PHF20L1: variants seen among roughly 807,000 people sequenced by gnomAD.
The protein encoded by PHF20L1 is PHD finger protein 20-like protein 1.
In PHF20L1, 44 loss-of-function variants were observed where a neutral mutation model predicts 125.5. That is an observed-to-expected ratio of 0.35 (90% CI 0.28 to 0.45). PHF20L1 has a LOEUF of 0.45. PHF20L1 is among the 20% of genes least tolerant of loss of function. The pLI is 1.00. For synonymous variants in PHF20L1, 380 were observed against 403.1 expected, an observed-to-expected ratio of 0.94 and a Z score of 0.69; for missense variants, 1,012 against 1,217.2, an observed-to-expected ratio of 0.83 and a Z score of 2.51.
chr8:132,830,336 G>C (rs960178049), intron 14 of PHF20L1, among the ~76,000 whole-genome samples: 17 of 152,162 alleles, frequency 1.1e-4, no homozygotes, highest in Non-Finnish European at 1.5e-4. Flanking sequence ...TACTCTCCCT[G>C]TTGTGAGGTC....
intron 2 of PHF20L1, among the ~76,000 whole-genome samples, chr8:132,794,164 T>G (rs1330766051): frequency 6.6e-6 from 1 of 152,210 alleles, no homozygotes; most frequent in Non-Finnish European, 1.5e-5. Context: ...ACCACATTAC[T>G]TCACAAAACA....
At chr8:132,823,552 G>A (rs1319413154) in intron 12 of PHF20L1, among the ~76,000 whole-genome samples, 2 of 151,906 alleles carry the variant, frequency 1.3e-5, no homozygotes, top group African/African-American at 4.8e-5. Context: ...TCTGGAAATA[G>A]TGTAGTGTCA....
At chr8:132,784,070 T>C (rs1830732506) in intron 2 of PHF20L1, among the ~76,000 whole-genome samples, 1 of 152,198 alleles carries the variant, frequency 6.6e-6, no homozygotes, top group African/African-American at 2.4e-5. Context: ...GAAAGCCCCG[T>C]AAATTCCTTT....
chr8:132,830,153 C>A (rs1029410178), intron 14 of PHF20L1, among the ~76,000 whole-genome samples: 3 of 152,062 alleles, frequency 2.0e-5, no homozygotes, highest in African/African-American at 4.8e-5. Flanking sequence ...CTTGCCTCTT[C>A]TAGTTTCCAG....
intron 14 of PHF20L1, among the ~76,000 whole-genome samples, chr8:132,827,647 A>G (rs943295479): frequency 6.6e-6 from 1 of 152,036 alleles, no homozygotes; most frequent in Non-Finnish European, 1.5e-5. Flanking sequence ...AACTTGAGAG[A>G]AGGAGGAGCA....
rs757800314 is a variant in PHF20L1, at chr8:132,814,617, A to G, written c.931-20A>G. The stretch of plus-strand genomic sequence containing the variant: ...TGAAGAAGCCAAAATAAAAATATCA[A>G]TTTTTTATTATTTATTCAGGCGATT... On this transcript the variant is annotated intron_variant, in intron 9 of 20. Coordinates refer to ENST00000395386, the MANE Select transcript of PHF20L1 (RefSeq NM_016018.5). 1.3e-6 allele frequency: 2 copies of G among 1,508,586 alleles called. No individual in the cohort carries two copies. The highest frequency in any genetic ancestry group is 1.8e-6 in the Non-Finnish European group (2 of 1,120,552). The allele number at this position is 1,508,586 out of a possible 1,614,324, so 93.5% of individuals were successfully genotyped here.
intron 10 of PHF20L1, chr8:132,815,146 T>C (rs1267184075): frequency 3.5e-6 from 1 of 283,296 alleles, no homozygotes; most frequent in African/African-American, 2.2e-5. Flanking sequence ...CCTCAACTCA[T>C]AATCCAAGCA....
At chr8:132,841,803 A>G (rs1481154138) in intron 18 of PHF20L1, 1 of 152,132 alleles carries the variant, frequency 6.6e-6, no homozygotes, top group Non-Finnish European at 1.5e-5. Context: ...AATTTATCTG[A>G]CTGAAATATT....
At chr8:132,844,622 G>A (rs1838256040) in intron 20 of PHF20L1, among the ~76,000 whole-genome samples, 1 of 152,066 alleles carries the variant, frequency 6.6e-6, no homozygotes, top group African/African-American at 2.4e-5. Flanking sequence ...ATTGAACTAA[G>A]CTTTCTTTGG....
At chr8:132,841,179 A>G (rs1463434524) in intron 18 of PHF20L1, among the ~76,000 whole-genome samples, 1 of 152,070 alleles carries the variant, frequency 6.6e-6, no homozygotes, top group Non-Finnish European at 1.5e-5. Flanking sequence ...TTAAATCATA[A>G]TATCTGTTAG....
intron 4 of PHF20L1, among the ~76,000 whole-genome samples, chr8:132,798,048 T>C (rs1331282863): frequency 1.3e-5 from 2 of 152,048 alleles, no homozygotes; most frequent in Non-Finnish European, 2.9e-5. Flanking sequence ...AAAAAGTGAA[T>C]ATGCTTCATA....
rs368502527 is a variant in PHF20L1, at chr8:132,847,425, G to C, written c.*1502G>C. 4.6e-5 allele frequency: 7 copies of C among 152,658 alleles called. 1 individual carries two copies. In the South Asian group the frequency reaches 1.5e-3, roughly 32 times the overall value. 9.5% of individuals were successfully genotyped at this position (152,658 alleles called of 1,614,324 possible). A position where few individuals can be genotyped will look rare whatever the true frequency, so the allele number is the denominator to read the frequency against. ...TTCTGTTTATCAGTTCTCGCAATCT[G>C]TATAAATGCATTTTAGAACTGATAG... On this transcript the variant is annotated 3_prime_UTR_variant, in exon 21 of 21. Coordinates refer to ENST00000395386, the MANE Select transcript of PHF20L1 (RefSeq NM_016018.5).
At position 132,846,086 on chromosome 8, in the gene PHF20L1, A is replaced by G. The variant is rs1838402871; in HGVS notation, c.*163A>G. 1.8e-6 allele frequency: 1 copy of G among 540,688 alleles called. No homozygotes were observed. Among genetic ancestry groups the G allele is most frequent in the South Asian group, 3.3e-5 (1 of 30,068 alleles). 33.5% of individuals were successfully genotyped at this position (540,688 alleles called of 1,614,324 possible). On this transcript the variant is annotated 3_prime_UTR_variant, in exon 21 of 21. Coordinates refer to ENST00000395386, the MANE Select transcript of PHF20L1 (RefSeq NM_016018.5). ...ACCTTGGAAAGAAAAATGAAGAACA[A>G]CTTTATCAAGGAAGCTAGTATTTAA...
At chr8:132,790,979 A>C (rs1470998981) in intron 2 of PHF20L1, among the ~76,000 whole-genome samples, 2 of 152,212 alleles carry the variant, frequency 1.3e-5, no homozygotes, top group Admixed American at 6.5e-5. Flanking sequence ...CTTTTGGCAT[A>C]GATTACAGAC....
In PHF20L1 at chr8:132,848,017, G is replaced by A. The variant is rs1342900519; in HGVS notation, c.*2094G>A. On this transcript the variant is annotated 3_prime_UTR_variant, in exon 21 of 21. Transcript: ENST00000395386. ...CTTTTTTTCAGATACGGAGCAAATA[G>A]CATCCTTAACCTATGAATAATGGTG... 6.6e-6 allele frequency: 1 copy of A among 151,862 alleles called. No individual in the cohort carries two copies. The highest frequency in any genetic ancestry group is 6.6e-5 in the Admixed American group (1 of 15,236). 9.4% of individuals were successfully genotyped at this position (151,862 alleles called of 1,614,324 possible).
At chr8:132,826,720 G>A (rs1836224556) in intron 14 of PHF20L1, 1 of 152,032 alleles carries the variant, frequency 6.6e-6, no homozygotes, top group Admixed American at 6.6e-5. Context: ...CTAAGGTGGG[G>A]AAGGGCCATT....
At position 132,842,614 on chromosome 8, in the gene PHF20L1, C is replaced by T; in HGVS notation, c.2487C>T (p.Asp829=). 6.2e-7 allele frequency: 1 copy of T among 1,612,898 alleles called. No homozygotes were observed. The highest frequency in any genetic ancestry group is 1.1e-5 in the South Asian group (1 of 91,024). ...IAGVEKKIAQ[D]TVNREEKKYV... is the part of the protein sequence containing the mutation. ...GGGTGGAGAAAAAAATAGCTCAAGA[C>T]ACAGTTAATCGAGAAGAAAAGAAAT... Residue 829 remains aspartate, a synonymous_variant, in exon 19 of 21, where the codon GAC becomes GAT. Transcript: ENST00000395386.
At chr8:132,842,987 C>G (rs373138209) in intron 19 of PHF20L1, 112 bp downstream of exon 19, 3 of 1,451,354 alleles carry the variant, frequency 2.1e-6, no homozygotes, top group Admixed American at 5.1e-5. Flanking sequence ...TCCAAGTTCC[C>G]CAGTACCTTG....
chr8:132,804,294 G>A (rs879856272), intron 7 of PHF20L1, among the ~76,000 whole-genome samples: 3 of 151,766 alleles, frequency 2.0e-5, no homozygotes, highest in Non-Finnish European at 2.9e-5. Context: ...CTTCTTGATA[G>A]CAGGTTTTTG....
Sources: gnomAD v4.1 joint callset for allele counts (sites outside exome capture counted in the v4.1 genomes callset) on GRCh38, gnomAD v4.1.1 for gene constraint, MANE v1.5 for transcripts, NCBI Gene and HGNC (gene_info 2026-07-23, HGNC 2026-07-21) for gene names.